Variants in SYCP2L observed in about 807,000 individuals in gnomAD.
SYCP2L encodes synaptonemal complex protein 2-like.
In SYCP2L, 98 loss-of-function variants were observed where a neutral mutation model predicts 125.8. The observed-to-expected ratio is 0.78, with a 90% CI of 0.66 to 0.92. The LOEUF (loss-of-function observed/expected upper bound fraction) is 0.92, where lower values mean the gene tolerates loss of function less well. Ranked by LOEUF, SYCP2L falls within the 40% of genes least tolerant of loss-of-function variation. SYCP2L has a pLI of 0.00. For synonymous variants in SYCP2L, 317 were observed against 325.4 expected (o/e 0.97, Z 0.28); for missense variants, 842 against 936.4 (o/e 0.90, Z 1.32).
intron 23 of SYCP2L, among the ~76,000 whole-genome samples, chr6:10,950,734 A>G (rs1213334705): frequency 6.6e-6 from 1 of 152,090 alleles, no homozygotes; most frequent in Non-Finnish European, 1.5e-5. Context: ...ATTTCGGGTC[A>G]CTGCAGCCTT....
intron 21 of SYCP2L, among the ~76,000 whole-genome samples, chr6:10,939,912 A>G (rs1312734727): frequency 6.6e-6 from 1 of 151,646 alleles, no homozygotes; most frequent in Non-Finnish European, 1.5e-5. Flanking sequence ...AAGACAACCT[A>G]AAGAATGGGA....
In SYCP2L at chr6:10,926,351, C is replaced by T. The variant is rs1402185704; in HGVS notation, c.1231C>T (p.Gln411Ter). Residue 411 changes from glutamine (Q) to a stop codon, truncating the protein, a stop_gained, in exon 16 of 30, where the codon CAG becomes TAG. Transcript: ENST00000283141. LOFTEE classifies it high-confidence loss of function. ...TCTTGCATTTCAGATGTTGCCTGAC[C>T]AGACGAAAATCTCCTCAGAACTTTT... ...LGEDKQMLPD[Q>*]TKISSELFSK... 6.2e-7 allele frequency: 1 copy of T among 1,613,372 alleles called. No individual in the cohort carries two copies. Among genetic ancestry groups the T allele is most frequent in the African/African-American group, 1.3e-5 (1 of 74,892 alleles).
chr6:10,939,625 A>G (rs1000848452), intron 21 of SYCP2L, among the ~76,000 whole-genome samples: 2 of 152,232 alleles, frequency 1.3e-5, no homozygotes. Context: ...ACAATGAGGA[A>G]AGGAAAGCGT....
At chr6:10,956,609 T>C (rs903504499) in intron 25 of SYCP2L, among the ~76,000 whole-genome samples, 4 of 152,160 alleles carry the variant, frequency 2.6e-5, no homozygotes, top group African/African-American at 7.2e-5. Flanking sequence ...GTTAATTTGC[T>C]TGATTGTGGT....
chr6:10,958,838 T>C lies in SYCP2L; in HGVS notation c.2218T>C (p.Cys740Arg), dbSNP rs761693955. ...AGAAAATGCAAAGAAAGCACCGGAT[T>C]GCCTAATAAAACTTTTAAACCAGAT... Reference protein sequence around the residue: ...NSENAKKAPDCLIKLLNQMQL... With the variant: ...NSENAKKAPDRLIKLLNQMQL... Residue 740 changes from cysteine to arginine, a missense_variant, in exon 26 of 30, where the codon TGC becomes CGC. Physicochemically the swap from Cys to Arg is radical, Grantham distance 180 (BLOSUM62 -3). Coordinates refer to ENST00000283141, the MANE Select transcript of SYCP2L (RefSeq NM_001040274.3). 6.2e-7 allele frequency: 1 copy of C among 1,613,936 alleles called. No individual in the cohort carries two copies. The highest frequency in any genetic ancestry group is 8.5e-7 in the Non-Finnish European group (1 of 1,179,958).
rs887683225 is a variant in SYCP2L at position 10,946,991 on chromosome 6, A to T, written c.1954+4245A>T. On this transcript the variant is annotated intron_variant, in intron 23 of 29. Coordinates refer to ENST00000283141, the MANE Select transcript of SYCP2L (RefSeq NM_001040274.3). ...ACTCCAACTAGATTCCACATCTTTT[A>T]CCCACTCCTACGTATTTTCTATTCC... Among the ~76,000 whole-genome samples the T allele has an allele frequency of 5.9e-5, 9 of 151,870 alleles. No individual in the cohort carries two copies. The East Asian group carries it at 1.5e-3, about 26-fold the overall frequency.
At chr6:10,895,265 T>C (rs1325204749) in intron 4 of SYCP2L, among the ~76,000 whole-genome samples, 2 of 152,112 alleles carry the variant, frequency 1.3e-5, no homozygotes, top group Non-Finnish European at 1.5e-5. Flanking sequence ...CCTTTTGGGG[T>C]ATGAATAGGA....
chr6:10,939,611 A>G (rs1781176474), intron 21 of SYCP2L, among the ~76,000 whole-genome samples: 2 of 152,238 alleles, frequency 1.3e-5, no homozygotes, highest in Admixed American at 6.5e-5. Flanking sequence ...GGCACCAAGA[A>G]TACACAATGA....
chr6:10,904,253 G>A (rs1780442857), intron 8 of SYCP2L, among the ~76,000 whole-genome samples: 1 of 152,190 alleles, frequency 6.6e-6, no homozygotes, highest in Non-Finnish European at 1.5e-5. Context: ...TGGGACATGA[G>A]ATTTGGAGGT....
rs1038315154 is a variant in SYCP2L at position 10,891,672 on chromosome 6, T to C, written c.78+91T>C. The C allele has an allele frequency of 4.9e-5, 40 of 816,266 alleles. 1 individual carries two copies. The highest frequency in any genetic ancestry group is 7.5e-4 in the Middle Eastern group (2 of 2,668). The allele number at this position is 816,266 out of a possible 1,614,324, so 50.6% of individuals were successfully genotyped here. A position where few individuals can be genotyped will look rare whatever the true frequency, so the allele number is the denominator to read the frequency against. On this transcript the variant is annotated intron_variant, in intron 2 of 29. Transcript: ENST00000283141. The stretch of plus-strand genomic sequence containing the variant: ...GTGTGTGTGTGTGTGTGTATGTGTA[T>C]ATGAGTGTATGTATTCTTTCTAGTT...
At position 10,961,310 on chromosome 6, in the gene SYCP2L, A is replaced by G. The variant is rs755364963; in HGVS notation, c.2261A>G (p.Asn754Ser). 2.0e-5 allele frequency: 32 copies of G among 1,614,006 alleles called. No individual in the cohort carries two copies. The highest frequency in any genetic ancestry group is 3.3e-4 in the Middle Eastern group (2 of 6,062). The stretch of plus-strand genomic sequence containing the variant: ...ACTGCTTTTATGTTTATTAGACTCA[A>G]TAAACTAGAGCGCTTTCAAAATTTG... ...LLNQMQLFRL[N>S]KLERFQNLVL... The change falls in exon 27 of 30, where the codon AAT (asparagine) becomes AGT (serine). Residue 754 changes from asparagine (N) to serine (S), a missense_variant. Transcript: ENST00000283141.
intron 29 of SYCP2L, among the ~76,000 whole-genome samples, chr6:10,967,454 G>GGGGTGTGTGTGTGTGTGTGTGTGTGT (rs56098075): frequency 2.2e-5 from 3 of 138,838 alleles, no homozygotes; most frequent in East Asian, 2.1e-4. Flanking sequence ...TGGGGTAGAG[G>GGGGTGTGTGTGTGTGTGTGTGTGTGT]GTGTGTGTGT....
intron 28 of SYCP2L, among the ~76,000 whole-genome samples, chr6:10,961,781 G>GT (rs1410025830): frequency 1.4e-4 from 22 of 151,876 alleles, no homozygotes; most frequent in Admixed American, 1.1e-3. Flanking sequence ...AATTTTCTGT[G>GT]TTTTTTTAAA....
Position 10,894,203 on chromosome 6 carries a change from A to C in SYCP2L, c.335A>C (p.Lys112Thr). The part of the protein sequence containing the change: ...PLLIRQGLIP[K>T]LVSWFERTTG... ...CTAATTCGGCAGGGACTGATCCCAA[A>C]GATAAGTGTCCTATTTTAATTTTAT... The change falls in exon 4 of 30, where the codon AAG (lysine) becomes ACG (threonine). Residue 112 changes from lysine (K) to threonine (T), a missense_variant and splice_region_variant. By Grantham distance (78) the Lys-to-Thr change is moderately conservative (BLOSUM62 -1). Transcript: ENST00000283141. 6.2e-7 allele frequency: 1 copy of C among 1,612,194 alleles called. No homozygotes were observed. The highest frequency in any genetic ancestry group is 8.5e-7 in the Non-Finnish European group (1 of 1,179,700).
At chr6:10,955,012 AG>A (rs1711651114) in intron 23 of SYCP2L, 103 bp from the exon 24 acceptor site, 3 of 760,006 alleles carry the variant, frequency 3.9e-6, no homozygotes, top group South Asian at 1.6e-5. Flanking sequence ...AGCAACAGGC[AG>A]GGGACAAGTT....
At chr6:10,893,217 C>T (rs1780205085) in intron 2 of SYCP2L, among the ~76,000 whole-genome samples, 2 of 152,084 alleles carry the variant, frequency 1.3e-5, no homozygotes, top group African/African-American at 2.4e-5. Flanking sequence ...AGGCTGGTCT[C>T]GAACTCCTGA....
chr6:10,913,634 A>G lies in SYCP2L; in HGVS notation c.1072+707A>G, dbSNP rs144465698. Among the ~76,000 whole-genome samples the G allele has an allele frequency of 2.5e-3, 382 of 151,940 alleles. 1 individual carries two copies. Among genetic ancestry groups the G allele is most frequent in the African/African-American group, 8.9e-3 (370 of 41,414 alleles). Reference sequence around the variant, plus strand: ...TGGATATTAGTCCTTTGTCAGATGTATAGATTGTGAAGGTTTTCTCCACTC... The same window carrying G: ...TGGATATTAGTCCTTTGTCAGATGTGTAGATTGTGAAGGTTTTCTCCACTC... On this transcript the variant is annotated intron_variant, in intron 14 of 29. Coordinates refer to ENST00000283141, the MANE Select transcript of SYCP2L (RefSeq NM_001040274.3).
chr6:10,897,096 T>C (rs1262595779), intron 4 of SYCP2L, among the ~76,000 whole-genome samples: 1 of 152,184 alleles, frequency 6.6e-6, no homozygotes, highest in Non-Finnish European at 1.5e-5. Context: ...AAAAATAAGA[T>C]GGCTTTTGCT....
intron 15 of SYCP2L, among the ~76,000 whole-genome samples, chr6:10,925,570 A>G (rs1767777): frequency 0.19 from 29,320 of 152,182 alleles, 2,906 homozygotes; most frequent in Middle Eastern, 0.31. Flanking sequence ...AATGGCCCAT[A>G]GAAAGTTGAA....
Sources: gnomAD v4.1 joint callset for allele counts (sites outside exome capture counted in the v4.1 genomes callset) on GRCh38, gnomAD v4.1.1 for gene constraint, MANE v1.5 for transcripts, NCBI Gene and HGNC (gene_info 2026-07-23, HGNC 2026-07-21) for gene names.